SV2C: variants seen among roughly 807,000 people sequenced by gnomAD.
The protein encoded by SV2C is solute carrier family 22 member B3.
SV2C carries 49 observed loss-of-function variants against 79.7 expected under a neutral mutation model. The observed-to-expected ratio is 0.61, with a 90% CI of 0.49 to 0.78. The LOEUF is 0.78. Ranked by LOEUF, SV2C falls within the 30% of genes least tolerant of loss-of-function variation. SV2C has a pLI of 0.00. For synonymous variants in SV2C, 334 were observed against 333.2 expected (o/e 1.00, Z -0.03); for missense variants, 833 against 912.9 (o/e 0.91, Z 1.13).
intron 3 of SV2C, among the ~76,000 whole-genome samples, chr5:76,201,137 G>A (rs1033065968): frequency 2.6e-5 from 4 of 152,186 alleles, no homozygotes; most frequent in African/African-American, 9.7e-5. Flanking sequence ...GGACAACAGC[G>A]TTGTGTGGGA....
the SV2C span, among the ~76,000 whole-genome samples, chr5:75,925,115 A>G: frequency 6.6e-6 from 1 of 152,166 alleles, no homozygotes. Context: ...TTCCTATGTT[A>G]TATGGAACCA....
At chr5:75,881,804 A>G in the SV2C span, among the ~76,000 whole-genome samples, 3,349 of 149,294 alleles carry the variant, frequency 0.022, 104 homozygotes, top group African/African-American at 0.072. Flanking sequence ...TCTCCTGCCT[A>G]ATTGCCCTGG....
intron 2 of SV2C, among the ~76,000 whole-genome samples, chr5:76,179,781 G>A (rs950097): frequency 0.029 from 4,427 of 152,292 alleles, 397 homozygotes; most frequent in East Asian, 0.28. Flanking sequence ...TTCACTCACT[G>A]CTCTGGGCTG....
intron 12 of SV2C, among the ~76,000 whole-genome samples, chr5:76,309,183 T>C (rs1027606040): frequency 6.6e-6 from 1 of 152,166 alleles, no homozygotes; most frequent in Admixed American, 6.5e-5. Flanking sequence ...TCACATTGCC[T>C]TATTGTGTGG....
At chr5:76,262,713 T>C (rs1278332640) in intron 4 of SV2C, among the ~76,000 whole-genome samples, 1 of 152,230 alleles carries the variant, frequency 6.6e-6, no homozygotes, top group African/African-American at 2.4e-5. Flanking sequence ...AGGAGCAGGT[T>C]GTTCAGTTTC....
chr5:76,204,776 A>C (rs1359664793), intron 3 of SV2C, among the ~76,000 whole-genome samples: 1 of 152,206 alleles, frequency 6.6e-6, no homozygotes, highest in Non-Finnish European at 1.5e-5. Context: ...CCTTTGCCTG[A>C]AACAGCGTAC....
intron 2 of SV2C, among the ~76,000 whole-genome samples, chr5:76,149,471 G>C (rs958964130): frequency 3.3e-5 from 5 of 152,152 alleles, no homozygotes; most frequent in Admixed American, 1.3e-4. Flanking sequence ...ATCCCACTTG[G>C]AGTGGTGCTG....
At chr5:75,947,793 A>C in the SV2C span, among the ~76,000 whole-genome samples, 332 of 152,102 alleles carry the variant, frequency 2.2e-3, 1 homozygote, top group African/African-American at 7.8e-3. Flanking sequence ...CTTCTTACAA[A>C]ATAATCACCC....
At chr5:75,863,448 A>C in the SV2C span, among the ~76,000 whole-genome samples, 1 of 152,336 alleles carries the variant, frequency 6.6e-6, no homozygotes, top group Non-Finnish European at 1.5e-5. Context: ...GTAAAATTGG[A>C]AAGTGGTGAG....
intron 4 of SV2C, among the ~76,000 whole-genome samples, chr5:76,261,351 A>G (rs942657579): frequency 6.6e-6 from 1 of 152,164 alleles, no homozygotes; most frequent in Non-Finnish European, 1.5e-5. Context: ...GGCTGAGACG[A>G]TAGGGTTTTC....
At chr5:75,898,527 C>T in the SV2C span, among the ~76,000 whole-genome samples, 3 of 152,032 alleles carry the variant, frequency 2.0e-5, no homozygotes, top group Non-Finnish European at 4.4e-5. Flanking sequence ...GTCTAAAATT[C>T]TCTTTTTTGG....
At chr5:76,043,381 T>C in the SV2C span, among the ~76,000 whole-genome samples, 1 of 152,326 alleles carries the variant, frequency 6.6e-6, no homozygotes, top group East Asian at 1.9e-4. Context: ...TTCTCACTCC[T>C]CACTTGCTCT....
chr5:76,044,197 A>G, the SV2C span, among the ~76,000 whole-genome samples: 7 of 152,300 alleles, frequency 4.6e-5, no homozygotes, highest in East Asian at 1.4e-3. Context: ...TGCTGAGGAT[A>G]ATGGCTTCCA....
chr5:75,932,396 C>T, the SV2C span, among the ~76,000 whole-genome samples: 1 of 152,134 alleles, frequency 6.6e-6, no homozygotes, highest in Admixed American at 6.5e-5. Context: ...TGTGGAGACC[C>T]GAACCCAGCA....
chr5:76,279,977 G>A (rs1041371896), intron 4 of SV2C, among the ~76,000 whole-genome samples: 7 of 152,126 alleles, frequency 4.6e-5, no homozygotes, highest in Admixed American at 1.3e-4. Flanking sequence ...TAATCAAAGA[G>A]AAGACAGGGA....
At chr5:76,033,089 G>A in the SV2C span, among the ~76,000 whole-genome samples, 98 of 152,038 alleles carry the variant, frequency 6.4e-4, no homozygotes, top group African/African-American at 2.2e-3. Flanking sequence ...CTTTTTGATG[G>A]GGTTGTTTGT....
the SV2C span, among the ~76,000 whole-genome samples, chr5:75,849,598 A>G: frequency 6.6e-6 from 1 of 152,224 alleles, no homozygotes; most frequent in Non-Finnish European, 1.5e-5. Flanking sequence ...TTTTTGATCA[A>G]TCTTTCTATC....
At chr5:76,239,884 AG>A (rs1465963853) in intron 4 of SV2C, among the ~76,000 whole-genome samples, 2 of 152,146 alleles carry the variant, frequency 1.3e-5, no homozygotes. Context: ...GGCATCTTGG[AG>A]GCTAGCTGTC....
intron 4 of SV2C, among the ~76,000 whole-genome samples, chr5:76,238,507 G>A (rs941394866): frequency 5.9e-5 from 9 of 151,960 alleles, no homozygotes; most frequent in Non-Finnish European, 1.3e-4. Flanking sequence ...TTTCATGTTG[G>A]ACACTCTCTT....
Sources: allele counts gnomAD v4.1 joint callset (sites outside exome capture counted in the v4.1 genomes callset), GRCh38; gene constraint gnomAD v4.1.1; transcripts MANE v1.5; gene names NCBI Gene and HGNC (gene_info 2026-07-23, HGNC 2026-07-21).